CDK12: variants seen among roughly 807,000 people sequenced by gnomAD.
CDK12 encodes cyclin-dependent kinase 12.
In CDK12, 17 loss-of-function variants were observed where a neutral mutation model predicts 133.8. The observed-to-expected ratio is 0.13, with a 90% confidence interval of 0.09 to 0.19. The LOEUF (loss-of-function observed/expected upper bound fraction) is 0.19, where lower values mean the gene tolerates loss of function less well. Ranked by LOEUF, CDK12 falls within the 10% of genes least tolerant of loss-of-function variation. CDK12 has a pLI of 1.00. For missense variants in CDK12, 1,508 were observed against 1,818.7 expected, an observed-to-expected ratio of 0.83 and a Z score of 3.11; for synonymous variants, 694 against 683.6, an observed-to-expected ratio of 1.02 and a Z score of -0.24.
chr17:39,539,650 G>A (rs1382499093), intron 1 of CDK12, among the ~76,000 whole-genome samples: 1 of 152,200 alleles, frequency 6.6e-6, no homozygotes, highest in Non-Finnish European at 1.5e-5. Flanking sequence ...GGTCTTGTGA[G>A]AGAGGTCAGT....
chr17:39,548,470 C>T (rs1315425297), upstream of CDK12, among the ~76,000 whole-genome samples: 1 of 152,124 alleles, frequency 6.6e-6, no homozygotes, highest in African/African-American at 2.4e-5. Context: ...GGTGGAGGTG[C>T]CTGTGGTTTT....
rs959591701 is a variant in CDK12, at chr17:39,520,067, C to T, written c.3075C>T (p.Leu1025=). 2.5e-6 allele frequency: 4 copies of T among 1,614,032 alleles called. No individual in the cohort carries two copies. The highest frequency in any genetic ancestry group is 3.4e-6 in the Non-Finnish European group (4 of 1,179,964). The part of the protein sequence containing the change: ...LQSDFLKDVE[L]SKMAPPDLPH... ...GCGACTTCCTTAAAGATGTCGAACT[C>T]AGCAAAATGGCTCCTCCAGAGTAAG... is the stretch of plus-strand genomic sequence containing the variant. The change falls in exon 11 of 14, where the codon CTC becomes CTT. Residue 1025 remains leucine, a synonymous_variant. Coordinates refer to ENST00000447079, the MANE Select transcript of CDK12 (RefSeq NM_016507.4).
intron 6 of CDK12, among the ~76,000 whole-genome samples, 157 bp downstream of exon 6, chr17:39,501,596 G>T (rs1028950303): frequency 1.3e-5 from 2 of 152,104 alleles, no homozygotes; most frequent in African/African-American, 2.4e-5. Context: ...AAACATACCT[G>T]CTCCTTTAGC....
At position 39,515,801 on chromosome 17, in the gene CDK12, C is replaced by T. The variant is rs2053764369; in HGVS notation, c.2839C>T (p.Leu947=). 1 of 1,611,478 alleles carries T rather than the reference C, an allele frequency of 6.2e-7. No homozygotes were observed. The change falls in exon 9 of 14, where the codon CTG becomes TTG. Residue 947 remains leucine (L), a synonymous_variant. Transcript: ENST00000447079. ...QANLELAQLE[L]ISRLCGSPCP... ...CAATCTGGAACTGGCTCAGCTAGAA[C>T]TGATCAGGTACAGCTGTACATGTGC... is the stretch of plus-strand genomic sequence containing the variant.
chr17:39,533,301 A>C lies in CDK12; in HGVS notation c.*1985A>C, dbSNP rs2054973593. On this transcript the variant is annotated 3_prime_UTR_variant, in exon 14 of 14. Coordinates refer to ENST00000447079, the MANE Select transcript of CDK12 (RefSeq NM_016507.4). Reference sequence around the variant, plus strand: ...TTTTTATACCAGTGTGTCCAGTTAGATTTACTAGGCTTACTGACATGCTAT... The same window carrying C: ...TTTTTATACCAGTGTGTCCAGTTAGCTTTACTAGGCTTACTGACATGCTAT... The C allele has an allele frequency of 4.3e-6, 1 of 233,032 alleles. No homozygotes were observed. Among genetic ancestry groups the C allele is most frequent in the Non-Finnish European group, 8.5e-6 (1 of 117,872 alleles). 14.4% of individuals were successfully genotyped at this position (233,032 alleles called of 1,614,324 possible). A position where few individuals can be genotyped will look rare whatever the true frequency, so the allele number is the denominator to read the frequency against.
At chr17:39,495,406 T>G (rs983771704) in intron 5 of CDK12, among the ~76,000 whole-genome samples, 12 of 149,404 alleles carry the variant, frequency 8.0e-5, no homozygotes, top group Non-Finnish European at 1.3e-4. Context: ...TTTTTTTTTT[T>G]TTTTTTTTTT....
At chr17:39,517,351 A>G in intron 9 of CDK12, 89 bp from the exon 10 acceptor site, 1 of 750,194 alleles carries the variant, frequency 1.3e-6, no homozygotes, top group South Asian at 1.6e-5. Flanking sequence ...CCCAGACCTC[A>G]GGAGGTAATA....
At chr17:39,545,323 G>A (rs1278233213), upstream of CDK12, among the ~76,000 whole-genome samples, 1 of 151,876 alleles carries the variant, frequency 6.6e-6, no homozygotes. Flanking sequence ...GAGTAGCTGG[G>A]ACTAGAGGCG....
At chr17:39,485,798 T>G (rs1210585360) in intron 2 of CDK12, among the ~76,000 whole-genome samples, 1 of 151,714 alleles carries the variant, frequency 6.6e-6, no homozygotes, top group Non-Finnish European at 1.5e-5. Context: ...GTAGATCACT[T>G]GAGCCTCGAG....
chr17:39,469,825 CG>C (rs1250076079), intron 1 of CDK12, among the ~76,000 whole-genome samples: 10 of 151,530 alleles, frequency 6.6e-5, no homozygotes, highest in Admixed American at 6.6e-4. Context: ...TTAGTAGAGA[CG>C]GGGTTTCTCC....
intron 13 of CDK12, chr17:39,530,374 C>A: frequency 2.0e-6 from 1 of 494,524 alleles, no homozygotes; most frequent in South Asian, 3.7e-5. Context: ...TCAGGATAAT[C>A]ATTTGAAACA....
rs758989361 is a variant in CDK12 at position 39,471,510 on chromosome 17, C to G, written c.1678C>G (p.Leu560Val). 6 of 1,613,678 alleles carry G rather than the reference C, an allele frequency of 3.7e-6. No individual in the cohort carries two copies. Among genetic ancestry groups the G allele is most frequent in the Non-Finnish European group, 5.1e-6 (6 of 1,179,950 alleles). ...GCCACCTTTGCCTCCAATACCAGCTCTTCCACAGCAACCACCTCTGCCTCC... is the reference window on the plus strand; with the variant it reads ...GCCACCTTTGCCTCCAATACCAGCTGTTCCACAGCAACCACCTCTGCCTCC... The part of the protein sequence containing the change: ...PLPPLPPIPA[L>V]PQQPPLPPSQ... Residue 560 changes from leucine (L) to valine (V), a missense_variant, in exon 2 of 14, where the codon CTT (leucine) becomes GTT (valine). By Grantham distance (32) the Leu-to-Val change is conservative. This residue lies in a region of CDK12 where 347 missense variants were observed against 330.8 expected (regional missense o/e 1.05). Transcript: ENST00000447079.
chr17:39,489,812 T>TA (rs71147346), intron 2 of CDK12, among the ~76,000 whole-genome samples: 77 of 147,262 alleles, frequency 5.2e-4, no homozygotes, highest in Admixed American at 1.6e-3. Flanking sequence ...TTTTTTTTTT[T>TA]AATTTTTTGT....
At chr17:39,548,687 G>A (rs1168697488), upstream of CDK12, among the ~76,000 whole-genome samples, 1 of 152,156 alleles carries the variant, frequency 6.6e-6, no homozygotes, top group Non-Finnish European at 1.5e-5. Flanking sequence ...GCCAAAAATG[G>A]TGTCAGAAAG....
In CDK12 at chr17:39,533,475, T is replaced by A. The variant is rs576241880; in HGVS notation, c.*2159T>A. On this transcript the variant is annotated 3_prime_UTR_variant, in exon 14 of 14. Transcript: ENST00000447079. ...TAAAGAACGTGAGCCTGGGATACTT[T>A]CAGAAGTATCTGTTCAATGAAAAAA... 4.3e-6 allele frequency: 1 copy of A among 233,108 alleles called. No individual in the cohort carries two copies. Among genetic ancestry groups the A allele is most frequent in the Admixed American group, 5.6e-5 (1 of 17,772 alleles). The allele number at this position is 233,108 out of a possible 1,614,324, so 14.4% of individuals were successfully genotyped here.
rs550204799 is a variant in CDK12, at chr17:39,531,769, C to G, written c.*453C>G. Reference sequence around the variant, plus strand: ...TAATTTAGGTGTTTTGGGTTTTTTTCCTTTAAAGAGAATAGTGTTCACAAA... The same window carrying G: ...TAATTTAGGTGTTTTGGGTTTTTTTGCTTTAAAGAGAATAGTGTTCACAAA... On this transcript the variant is annotated 3_prime_UTR_variant, in exon 14 of 14. Transcript: ENST00000447079. 2 of 235,074 alleles carry G rather than the reference C, an allele frequency of 8.5e-6. No homozygotes were observed. Among genetic ancestry groups the G allele is most frequent in the East Asian group, 1.2e-4 (2 of 16,704 alleles). 14.6% of individuals were successfully genotyped at this position (235,074 alleles called of 1,614,324 possible). A position where few individuals can be genotyped will look rare whatever the true frequency, so the allele number is the denominator to read the frequency against.
At chr17:39,515,460 TGGCATGATAGAAAAA>T (rs1001353352) in intron 8 of CDK12, among the ~76,000 whole-genome samples, 4 of 152,182 alleles carry the variant, frequency 2.6e-5, no homozygotes, top group African/African-American at 9.7e-5. Flanking sequence ...TTAATTACAA[TGGCATGATAGAAAAA>T]GACTCTTGAC....
At chr17:39,557,336 A>C (rs113375265) in intron 3 of CDK12, among the ~76,000 whole-genome samples, 2 of 152,168 alleles carry the variant, frequency 1.3e-5, no homozygotes, top group African/African-American at 4.8e-5. Flanking sequence ...TGATCTGGTT[A>C]TGCTGCTGCT....
At chr17:39,508,573 G>A (rs1342294297) in intron 6 of CDK12, among the ~76,000 whole-genome samples, 1 of 152,032 alleles carries the variant, frequency 6.6e-6, no homozygotes, top group Non-Finnish European at 1.5e-5. Context: ...TGCTTGCTGG[G>A]CTTAATACTT....
Sources: gnomAD v4.1 joint callset for allele counts (sites outside exome capture counted in the v4.1 genomes callset) on GRCh38, gnomAD v4.1.1 for gene constraint, gnomAD v4.1.1 regional missense constraint, MANE v1.5 for transcripts, NCBI Gene and HGNC (gene_info 2026-07-23, HGNC 2026-07-21) for gene names.